The following TANGO6 variants were observed in gnomAD, a reference collection of about 807,000 sequenced individuals.
TANGO6 encodes transport and Golgi organization protein 6 homolog.
In TANGO6, 90 loss-of-function variants were observed where a neutral mutation model predicts 114.2. The ratio of observed to expected loss-of-function variants is 0.79; its 90% CI spans 0.66 to 0.94. TANGO6 has a LOEUF of 0.94. Among genes scored for constraint, TANGO6 ranks in the 40% least tolerant of loss-of-function variants. The probability of loss-of-function intolerance (pLI) is 0.00; values close to 1 mark genes in which losing one functional copy is unlikely to be tolerated. For synonymous variants in TANGO6, 477 were observed against 509.8 expected (o/e 0.94, Z 0.87); for missense variants, 1,274 against 1,315.3 (o/e 0.97, Z 0.49).
intron 17 of TANGO6, among the ~76,000 whole-genome samples, chr16:69,061,342 A>G (rs1040638692): frequency 6.9e-4 from 105 of 152,150 alleles, no homozygotes; most frequent in African/African-American, 2.5e-3. Flanking sequence ...AGGCAGGTGG[A>G]TCACCTGAGG....
At chr16:68,974,211 C>T in intron 15 of TANGO6, 43 bp downstream of exon 15, 1 of 1,612,628 alleles carries the variant, frequency 6.2e-7, no homozygotes, top group African/African-American at 1.3e-5. Flanking sequence ...GGTGGAGGAT[C>T]AGTGTGACTT....
chr16:68,903,601 G>A (rs951486351), intron 9 of TANGO6, among the ~76,000 whole-genome samples: 7 of 144,250 alleles, frequency 4.9e-5, no homozygotes, highest in African/African-American at 1.8e-4. Flanking sequence ...CTGGGCAACA[G>A]GGCGAGACCA....
At position 68,847,407 on chromosome 16, in the gene TANGO6, A is replaced by C. The variant is rs115372105; in HGVS notation, c.94+3696A>C. ...ACTGCTACTTTATGGAAATGCCTCC[A>C]ATTTATTTCCAAGTAGATGTTATTT... On this transcript the variant is annotated intron_variant, in intron 1 of 17. Transcript: ENST00000261778. Among the ~76,000 whole-genome samples, 1,052 of 152,248 alleles carry C rather than the reference A, an allele frequency of 6.9e-3. 13 individuals carry two copies. The highest frequency in any genetic ancestry group is 0.024 in the African/African-American group (980 of 41,540).
At chr16:68,991,230 C>T (rs559685893) in intron 15 of TANGO6, among the ~76,000 whole-genome samples, 7 of 152,170 alleles carry the variant, frequency 4.6e-5, no homozygotes, top group African/African-American at 1.7e-4. Context: ...GCCATGATGG[C>T]CATTTGGGAA....
intron 15 of TANGO6, among the ~76,000 whole-genome samples, chr16:69,011,175 C>T (rs951354038): frequency 6.6e-6 from 1 of 152,086 alleles, no homozygotes; most frequent in Non-Finnish European, 1.5e-5. Context: ...TCTTTAGTTA[C>T]TTCTTCTTGG....
intron 3 of TANGO6, among the ~76,000 whole-genome samples, chr16:68,866,244 GTT>G (rs547304926): frequency 2.8e-5 from 4 of 142,726 alleles, no homozygotes; most frequent in Admixed American, 7.0e-5. Context: ...GTTTTGTAAA[GTT>G]TTTTTTTTTT....
chr16:68,907,146 A>G (rs1029284638), intron 9 of TANGO6, among the ~76,000 whole-genome samples: 6 of 125,770 alleles, frequency 4.8e-5, no homozygotes, highest in African/African-American at 1.6e-4. Context: ...ATAGGGCTTC[A>G]TTGTGTTAGC....
chr16:68,917,503 C>T (rs1276807453), intron 11 of TANGO6, among the ~76,000 whole-genome samples: 1 of 152,126 alleles, frequency 6.6e-6, no homozygotes, highest in Non-Finnish European at 1.5e-5. Context: ...AGTGGCTGTA[C>T]CATTTTGCAT....
At chr16:68,996,851 G>C (rs1963995390) in intron 15 of TANGO6, among the ~76,000 whole-genome samples, 1 of 152,122 alleles carries the variant, frequency 6.6e-6, no homozygotes, top group Admixed American at 6.5e-5. Flanking sequence ...TTAGATTACA[G>C]GGAGGATTTA....
At chr16:68,879,980 A>C (rs1236575679) in intron 6 of TANGO6, among the ~76,000 whole-genome samples, 1 of 142,722 alleles carries the variant, frequency 7.0e-6, no homozygotes, top group Non-Finnish European at 1.5e-5. Flanking sequence ...AATGAAAAAA[A>C]ATTTTTTTTT....
At chr16:69,036,738 G>C (rs1274481123) in intron 16 of TANGO6, among the ~76,000 whole-genome samples, 4 of 152,110 alleles carry the variant, frequency 2.6e-5, no homozygotes, top group African/African-American at 9.7e-5. Flanking sequence ...CGAGGCAGGC[G>C]AATCACTTGA....
chr16:68,996,565 G>T (rs755719547), intron 15 of TANGO6, among the ~76,000 whole-genome samples: 92 of 152,264 alleles, frequency 6.0e-4, no homozygotes, highest in African/African-American at 2.2e-3. Flanking sequence ...TCATTGACTG[G>T]ATCAACAAGA....
intron 15 of TANGO6, among the ~76,000 whole-genome samples, chr16:69,004,259 A>G (rs1485151193): frequency 6.6e-6 from 1 of 152,232 alleles, no homozygotes; most frequent in Non-Finnish European, 1.5e-5. Context: ...CACACACATA[A>G]AGATCCAATA....
In TANGO6 at chr16:69,076,092, T is replaced by C. The variant is rs1284675317; in HGVS notation, c.3109-7393T>C. On this transcript the variant is annotated intron_variant, in intron 17 of 17. Coordinates refer to ENST00000261778, the MANE Select transcript of TANGO6 (RefSeq NM_024562.2). ...TTCAACATTTTTATTTCATTTCTTT[T>C]TTTTTTTTTTTTTTTTTGAGATGGA... Among the ~76,000 whole-genome samples, 11 of 135,068 alleles carry C rather than the reference T, an allele frequency of 8.1e-5. No homozygotes were observed. The South Asian group carries it at 2.0e-3, about 25-fold the overall frequency. The allele number at this position is 135,068 out of a possible 152,430, so 88.6% of individuals were successfully genotyped here.
chr16:69,062,231 A>G (rs925112547), intron 17 of TANGO6, among the ~76,000 whole-genome samples: 3 of 152,178 alleles, frequency 2.0e-5, no homozygotes, highest in Non-Finnish European at 2.9e-5. Flanking sequence ...AAGAAGTGCA[A>G]TAAGTTATGT....
intron 4 of TANGO6, 129 bp from the exon 5 acceptor site, chr16:68,875,025 G>A (rs1567529249): frequency 1.0e-6 from 1 of 970,524 alleles, no homozygotes; most frequent in Non-Finnish European, 1.4e-6. Context: ...TTATCTTATA[G>A]AAAAAAATAA....
chr16:68,886,593 C>A (rs113758382), intron 7 of TANGO6, among the ~76,000 whole-genome samples: 6 of 152,202 alleles, frequency 3.9e-5, no homozygotes, highest in African/African-American at 1.4e-4. Context: ...ACTGCAACCC[C>A]CGCCTCTTGG....
intron 9 of TANGO6, among the ~76,000 whole-genome samples, chr16:68,905,738 T>C (rs1254604023): frequency 6.6e-6 from 1 of 152,010 alleles, no homozygotes; most frequent in Non-Finnish European, 1.5e-5. Flanking sequence ...TTGGTTGTGA[T>C]GGTGCCCCTC....
intron 14 of TANGO6, among the ~76,000 whole-genome samples, chr16:68,947,479 T>C (rs941356384): frequency 6.6e-6 from 1 of 151,824 alleles, no homozygotes; most frequent in Non-Finnish European, 1.5e-5. Context: ...AGATGTATTA[T>C]GATTGTCAAT....
Sources: gnomAD v4.1 joint callset for allele counts (sites outside exome capture counted in the v4.1 genomes callset) on GRCh38, gnomAD v4.1.1 for gene constraint, MANE v1.5 for transcripts, NCBI Gene and HGNC (gene_info 2026-07-23, HGNC 2026-07-21) for gene names.